The following LMO7 variants were observed in gnomAD, a reference collection of about 807,000 sequenced individuals.
LMO7 encodes LIM domain only protein 7.
In LMO7, 120 loss-of-function variants were observed where a neutral mutation model predicts 206.5. The ratio of observed to expected loss-of-function variants is 0.58; its 90% CI spans 0.50 to 0.68. The LOEUF is 0.68. Ranked by LOEUF, LMO7 falls within the 30% of genes least tolerant of loss-of-function variation. LMO7 has a pLI of 0.00. For synonymous variants in LMO7, 706 were observed against 681.5 expected (o/e 1.04, Z -0.56); for missense variants, 1,959 against 1,957.9 (o/e 1.00, Z -0.01).
At chr13:75,822,821 AT>A (rs1272313745) in intron 14 of LMO7, among the ~76,000 whole-genome samples, 5 of 74,454 alleles carry the variant, frequency 6.7e-5, no homozygotes, top group African/African-American at 8.9e-5. Flanking sequence ...TATATATATA[AT>A]AAAATATATA....
At chr13:75,660,785 C>T (rs2038512983) in intron 1 of LMO7, among the ~76,000 whole-genome samples, 1 of 152,054 alleles carries the variant, frequency 6.6e-6, no homozygotes, top group East Asian at 1.9e-4. Flanking sequence ...TCATGTTTTC[C>T]GTTTTTAGAA....
At position 75,821,462 on chromosome 13, in the gene LMO7, G is replaced by A. The variant is rs2138401746; in HGVS notation, c.2493G>A (p.Arg831=). 6.2e-7 allele frequency: 1 copy of A among 1,614,124 alleles called. No individual in the cohort carries two copies. Among genetic ancestry groups the A allele is most frequent in the South Asian group, 1.1e-5 (1 of 91,074 alleles). The change falls in exon 14 of 31, where the codon CGG becomes CGA. Residue 831 remains arginine (R), a synonymous_variant. Transcript: ENST00000377534. The part of the protein sequence containing the change: ...SPASLSSLRS[R]STQMESTRVS... ...CCTCTTTGTCTTCTCTGCGTTCACGGAGCACACAAATGGAATCAACTCGTG... is the reference window on the plus strand; with the variant it reads ...CCTCTTTGTCTTCTCTGCGTTCACGAAGCACACAAATGGAATCAACTCGTG...
chr13:75,659,575 G>A (rs1005442704), intron 1 of LMO7, among the ~76,000 whole-genome samples: 3 of 143,830 alleles, frequency 2.1e-5, no homozygotes, highest in East Asian at 4.3e-4. Flanking sequence ...ATCATATCTC[G>A]TGAGACTTAT....
intron 3 of LMO7, among the ~76,000 whole-genome samples, chr13:75,733,727 C>T (rs1042774761): frequency 1.3e-5 from 2 of 152,222 alleles, no homozygotes; most frequent in Admixed American, 1.3e-4. Flanking sequence ...GTCGCTCATG[C>T]TGGGAGCTGT....
At chr13:75,839,087 G>A (rs963106542) in intron 20 of LMO7, among the ~76,000 whole-genome samples, 3 of 152,074 alleles carry the variant, frequency 2.0e-5, no homozygotes, top group Admixed American at 1.3e-4. Context: ...TTGGATTAAG[G>A]TCTCTTTTGG....
intron 3 of LMO7, among the ~76,000 whole-genome samples, chr13:75,745,708 G>A (rs771102062): frequency 6.6e-6 from 1 of 152,184 alleles, no homozygotes; most frequent in Non-Finnish European, 1.5e-5. Context: ...GTCATGGAAG[G>A]CCTGACTAGA....
intron 1 of LMO7, among the ~76,000 whole-genome samples, chr13:75,651,608 G>T (rs141986344): frequency 0.012 from 1,899 of 152,274 alleles, 46 homozygotes; most frequent in African/African-American, 0.043. Flanking sequence ...GATTACAGGC[G>T]TGAGCCATCA....
intron 7 of LMO7, among the ~76,000 whole-genome samples, chr13:75,801,452 C>T (rs957919927): frequency 5.3e-5 from 8 of 152,250 alleles, no homozygotes; most frequent in Non-Finnish European, 1.0e-4. Context: ...TAGAAATCCT[C>T]TTTTGGTCCT....
chr13:75,669,565 AG>A (rs1158812863), intron 1 of LMO7, among the ~76,000 whole-genome samples: 1 of 152,156 alleles, frequency 6.6e-6, no homozygotes, highest in Non-Finnish European at 1.5e-5. Flanking sequence ...TGCATGATAG[AG>A]GGGAATAAAA....
chr13:75,819,455 A>C lies in LMO7; in HGVS notation c.2127A>C (p.Glu709Asp), dbSNP rs748428918. 6.2e-7 allele frequency: 1 copy of C among 1,613,188 alleles called. No homozygotes were observed. Among genetic ancestry groups the C allele is most frequent in the East Asian group, 2.2e-5 (1 of 44,848 alleles). ...SYTSDLQKKKEEREEIEKQAL... is the reference protein window; with the variant it reads ...SYTSDLQKKKDEREEIEKQAL... ...CTTCAGATCTGCAGAAGAAAAAAGA[A>C]GAGAGAGAAGAAATTGAAAAGCAGG... Residue 709 changes from glutamate (E) to aspartate (D), a missense_variant, in exon 13 of 31, where the codon GAA becomes GAC. Glu to Asp is a conservative substitution (Grantham distance 45, BLOSUM62 2). Coordinates refer to ENST00000377534, the MANE Select transcript of LMO7 (RefSeq NM_001306080.2).
intron 12 of LMO7, among the ~76,000 whole-genome samples, chr13:75,817,521 A>G (rs754566029): frequency 8.5e-5 from 13 of 152,136 alleles, no homozygotes; most frequent in Non-Finnish European, 1.8e-4. Context: ...CTGAGTTCTC[A>G]AAAATGTGAG....
upstream of LMO7, among the ~76,000 whole-genome samples, chr13:75,635,025 A>AAC (rs2035584521): frequency 6.6e-6 from 1 of 150,426 alleles, no homozygotes; most frequent in Non-Finnish European, 1.5e-5. Flanking sequence ...AAACAAAACA[A>AAC]AACAAAACAA....
At chr13:75,736,837 C>T (rs548277061) in intron 3 of LMO7, among the ~76,000 whole-genome samples, 3 of 152,190 alleles carry the variant, frequency 2.0e-5, no homozygotes, top group African/African-American at 7.2e-5. Context: ...CTGAGCCAGA[C>T]TTGTCATACT....
chr13:75,845,032 A>G (rs1190343629), intron 25 of LMO7, among the ~76,000 whole-genome samples: 1 of 152,208 alleles, frequency 6.6e-6, no homozygotes, highest in African/African-American at 2.4e-5. Flanking sequence ...CAGGGTGAAC[A>G]TCGACAACAA....
chr13:75,682,212 G>A (rs1171224007), intron 1 of LMO7, among the ~76,000 whole-genome samples: 1 of 152,172 alleles, frequency 6.6e-6, no homozygotes, highest in Non-Finnish European at 1.5e-5. Context: ...TAGGTATGCA[G>A]TAGTGGTTTT....
chr13:75,669,138 A>G (rs188084794), intron 1 of LMO7, among the ~76,000 whole-genome samples: 8 of 152,304 alleles, frequency 5.3e-5, no homozygotes, highest in Admixed American at 2.0e-4. Flanking sequence ...GTAAGAAAAA[A>G]TTGTTACCAA....
intron 4 of LMO7, among the ~76,000 whole-genome samples, chr13:75,787,513 G>T (rs1042344807): frequency 2.6e-5 from 4 of 152,124 alleles, no homozygotes; most frequent in African/African-American, 9.7e-5. Flanking sequence ...TAACAAGAGG[G>T]TACTTATTCA....
At position 75,636,735 on chromosome 13, in the gene LMO7, C is replaced by G. The variant is rs1198433388; in HGVS notation, c.69+9C>G. On this transcript the variant is annotated intron_variant, in intron 1 of 30. Coordinates refer to ENST00000377534, the MANE Select transcript of LMO7 (RefSeq NM_001306080.2). ...CTCAGAGATGGGTGGAGGTGAGTGC[C>G]TTTCACTGCTTTCCCTTCCGCAGGT... 3 of 1,600,494 alleles carry G rather than the reference C, an allele frequency of 1.9e-6. No individual in the cohort carries two copies. Among genetic ancestry groups the G allele is most frequent in the Non-Finnish European group, 1.7e-6 (2 of 1,174,082 alleles).
chr13:75,632,993 C>T (rs888722615), upstream of LMO7, among the ~76,000 whole-genome samples: 2 of 150,558 alleles, frequency 1.3e-5, no homozygotes, highest in Non-Finnish European at 1.5e-5. Context: ...TCCCAAGTAG[C>T]TAGAATTACA....
Sources: gnomAD v4.1 joint callset for allele counts (sites outside exome capture counted in the v4.1 genomes callset) on GRCh38, gnomAD v4.1.1 for gene constraint, MANE v1.5 for transcripts, NCBI Gene and HGNC (gene_info 2026-07-23, HGNC 2026-07-21) for gene names.